Variants in HFM1 observed in about 807,000 individuals in gnomAD.
HFM1 encodes helicase for meiosis 1.
Under a neutral mutation model 192.1 loss-of-function variants are expected in HFM1, and 169 were observed. The observed-to-expected ratio is 0.88, with a 90% CI of 0.78 to 1.00. The LOEUF (loss-of-function observed/expected upper bound fraction) is 1.00. Among genes scored for constraint, HFM1 ranks in the 50% least tolerant of loss-of-function variants. HFM1 has a pLI of 0.00. For synonymous variants in HFM1, 525 were observed against 537.8 expected (o/e 0.98, Z 0.33); for missense variants, 1,661 against 1,668.0 (o/e 1.00, Z 0.07).
intron 4 of HFM1, among the ~76,000 whole-genome samples, chr1:91,392,255 C>A (rs1322004205): frequency 2.0e-5 from 3 of 151,996 alleles, no homozygotes; most frequent in Admixed American, 6.6e-5. Context: ...GGGTATATAC[C>A]CAAAGGATTA....
In HFM1 at chr1:91,378,158, C is replaced by T. The variant is rs375023366; in HGVS notation, c.1262G>A (p.Arg421His). ...AACTACAACTTCAAGAGTTGGACCA[C>T]GATTTTCATCTTTTACAATATGTAC... ...DEVHIVKDEN[R>H]GPTLEVVVSR... The change falls in exon 11 of 39, where the codon CGT becomes CAT. Residue 421 changes from arginine to histidine, a missense_variant. Transcript: ENST00000370425. 77 of 1,604,922 alleles carry T rather than the reference C, an allele frequency of 4.8e-5. No homozygotes were observed. Among genetic ancestry groups the T allele is most frequent in the African/African-American group, 1.7e-4 (13 of 74,424 alleles).
Position 91,343,522 on chromosome 1 carries a change from T to C in HFM1, c.2255-12A>G, listed in dbSNP as rs1006281109. On this transcript the variant is annotated splice_polypyrimidine_tract_variant and intron_variant, in intron 19 of 38. Transcript: ENST00000370425. ...CTTCAAACATAATTCTGTTTAATTA[T>C]AGAAAACACATTTTAATTTTAGTAA... The C allele has an allele frequency of 2.3e-5, 25 of 1,087,648 alleles. No individual in the cohort carries two copies. The highest frequency in any genetic ancestry group is 6.5e-5 in the African/African-American group (4 of 61,796). The allele number at this position is 1,087,648 out of a possible 1,614,324, so 67.4% of individuals were successfully genotyped here.
intron 34 of HFM1, among the ~76,000 whole-genome samples, chr1:91,272,204 C>T (rs895822859): frequency 6.6e-6 from 1 of 152,092 alleles, no homozygotes; most frequent in African/African-American, 2.4e-5. Context: ...AACAGCTTTA[C>T]ATGCATTATC....
At chr1:91,274,678 A>T in intron 33 of HFM1, 52 bp downstream of exon 33, 1 of 914,720 alleles carries the variant, frequency 1.1e-6, no homozygotes, top group Non-Finnish European at 1.7e-6. Context: ...TACCTGCAGG[A>T]ACAGAGTTTA....
intron 30 of HFM1, among the ~76,000 whole-genome samples, chr1:91,293,632 T>A (rs1385230874): frequency 3.0e-4 from 45 of 151,298 alleles, no homozygotes; most frequent in Non-Finnish European, 5.3e-4. Flanking sequence ...ATTGTGGAAG[T>A]CAGTGTGGCG....
intron 2 of HFM1, 93 bp downstream of exon 2, chr1:91,400,919 T>G (rs1323979799): frequency 1.8e-6 from 1 of 563,850 alleles, no homozygotes; most frequent in African/African-American, 2.0e-5. Context: ...TCATTTTTAT[T>G]TGTATATTTA....
intron 36 of HFM1, among the ~76,000 whole-genome samples, chr1:91,263,231 T>C (rs891366544): frequency 2.6e-5 from 4 of 151,320 alleles, no homozygotes; most frequent in African/African-American, 9.7e-5. Flanking sequence ...TGTGGAGCCA[T>C]AAGCCCATTT....
At chr1:91,353,363 T>C in intron 13 of HFM1, 64 bp from the exon 14 acceptor site, 3 of 926,448 alleles carry the variant, frequency 3.2e-6, no homozygotes, top group Non-Finnish European at 4.9e-6. Context: ...TCTGAAACAG[T>C]TTATTATTTT....
At chr1:91,346,909 G>C (rs1173468015) in intron 19 of HFM1, among the ~76,000 whole-genome samples, 2 of 152,040 alleles carry the variant, frequency 1.3e-5, no homozygotes, top group East Asian at 3.9e-4. Context: ...GATAACTTGA[G>C]GCCAGGAGTT....
At chr1:91,261,480 T>C (rs982201590) in intron 38 of HFM1, 121 bp from the exon 39 acceptor site, 7 of 452,526 alleles carry the variant, frequency 1.5e-5, no homozygotes, top group Middle Eastern at 5.9e-4. Flanking sequence ...ATGAAGTTAA[T>C]GTATCAAATA....
Position 91,287,172 on chromosome 1 carries a change from G to A in HFM1, c.3392-10110C>T, listed in dbSNP as rs1017034451. ...GTGGAGCCCACCACAGCTCATGGAG[G>A]CCTGCCTGCCTCTGTAGGCTCCACC... On this transcript the variant is annotated intron_variant, in intron 30 of 38. Transcript: ENST00000370425. Among the ~76,000 whole-genome samples the A allele has an allele frequency of 2.0e-5, 3 of 152,340 alleles. No individual in the cohort carries two copies. In the East Asian group the frequency reaches 5.8e-4, roughly 30 times the overall value.
chr1:91,353,061 T>C lies in HFM1; in HGVS notation c.1821A>G (p.Leu607=), dbSNP rs1323363891. 1.3e-6 allele frequency: 2 copies of C among 1,590,648 alleles called. No individual in the cohort carries two copies. The highest frequency in any genetic ancestry group is 2.2e-5 in the East Asian group (1 of 44,584). ...ATATGTTTTACTTACAAAGAACTGG[T>C]AAATCTCCAACAGTAAAAGCTCCCT... ...VVEGAFTVGD[L]PVLFTTSTLA... Residue 607 remains leucine, a synonymous_variant, in exon 15 of 39, where the codon TTA becomes TTG. Transcript: ENST00000370425.
intron 18 of HFM1, among the ~76,000 whole-genome samples, chr1:91,347,985 A>C (rs1656368100): frequency 6.6e-6 from 1 of 152,162 alleles, no homozygotes; most frequent in South Asian, 2.1e-4. Flanking sequence ...GAATCTTTTC[A>C]AGAATAGATA....
chr1:91,316,374 TAA>T lies in HFM1; in HGVS notation c.2898+15_2898+16del. ...CTCAGAATTTAGATGGAATTAGGAA[TAA>T]GTGAATATAACTACCAATTCAAGTT... On this transcript the variant is annotated intron_variant, in intron 26 of 38. Transcript: ENST00000370425. The T allele has an allele frequency of 7.3e-7, 1 of 1,368,730 alleles. No homozygotes were observed. The highest frequency in any genetic ancestry group is 1.3e-5 in the South Asian group (1 of 78,098). 84.8% of individuals were successfully genotyped at this position (1,368,730 alleles called of 1,614,324 possible).
rs183604686 is a variant in HFM1 at position 91,298,438 on chromosome 1, G to T, written c.3391+14911C>A. Among the ~76,000 whole-genome samples the T allele has an allele frequency of 5.7e-3, 874 of 152,152 alleles. 3 individuals are homozygous for T. The highest frequency in any genetic ancestry group is 8.5e-3 in the Non-Finnish European group (580 of 68,012). On this transcript the variant is annotated intron_variant, in intron 30 of 38. Transcript: ENST00000370425. The stretch of plus-strand genomic sequence containing the variant: ...TTCAAATTCAGGAAATACAAAGAAT[G>T]CCACAAAGATACTCCTCAAGAAGAG...
intron 26 of HFM1, 89 bp from the exon 27 acceptor site, chr1:91,316,273 C>T (rs1006059913): frequency 2.4e-5 from 24 of 1,003,340 alleles, no homozygotes; most frequent in Non-Finnish European, 3.2e-5. Flanking sequence ...TTTAATAATG[C>T]TTATCACCCA....
intron 4 of HFM1, among the ~76,000 whole-genome samples, chr1:91,389,707 T>C (rs1434883870): frequency 6.6e-6 from 1 of 152,174 alleles, no homozygotes; most frequent in African/African-American, 2.4e-5. Flanking sequence ...TATTTCATTA[T>C]ACCAGCTCAA....
At chr1:91,284,249 TA>T (rs1218337790) in intron 30 of HFM1, among the ~76,000 whole-genome samples, 3 of 149,706 alleles carry the variant, frequency 2.0e-5, no homozygotes, top group Non-Finnish European at 3.0e-5. Flanking sequence ...ATATTATTAT[TA>T]TTTTTTTTTT....
At chr1:91,310,402 ATGTT>A (rs1167088216) in intron 30 of HFM1, among the ~76,000 whole-genome samples, 4 of 152,218 alleles carry the variant, frequency 2.6e-5, no homozygotes, top group Non-Finnish European at 5.9e-5. Context: ...ACTTTTGTAT[ATGTT>A]TGAAAAATTC....
Sources: allele counts gnomAD v4.1 joint callset (sites outside exome capture counted in the v4.1 genomes callset), GRCh38; gene constraint gnomAD v4.1.1; transcripts MANE v1.5; gene names NCBI Gene and HGNC (gene_info 2026-07-23, HGNC 2026-07-21).